PRKAR2B: variants seen among roughly 807,000 people sequenced by gnomAD.
PRKAR2B encodes protein kinase cAMP-dependent type II regulatory subunit beta.
In PRKAR2B, 14 loss-of-function variants were observed where a neutral mutation model predicts 49.9. The ratio of observed to expected loss-of-function variants is 0.28; its 90% CI spans 0.19 to 0.44. The LOEUF is 0.44. PRKAR2B is among the 20% of genes least tolerant of loss of function. PRKAR2B has a pLI of 1.00. For missense variants in PRKAR2B, 393 were observed against 537.9 expected (o/e 0.73, Z 2.67); for synonymous variants, 196 against 197.7 (o/e 0.99, Z 0.07).
At position 107,054,070 on chromosome 7, in the gene PRKAR2B, C is replaced by T. The variant is rs1200010351; in HGVS notation, c.307+8856C>T. Reference sequence around the variant, plus strand: ...AAGTAGTAAATAAAACACAGTAGGCCGTGTGTGGTGGCTCACAGCCTGTAA... The same window carrying T: ...AAGTAGTAAATAAAACACAGTAGGCTGTGTGTGGTGGCTCACAGCCTGTAA... On this transcript the variant is annotated intron_variant, in intron 1 of 10. Coordinates refer to ENST00000265717, the MANE Select transcript of PRKAR2B (RefSeq NM_002736.3). Among the ~76,000 whole-genome samples the T allele has an allele frequency of 4.6e-5, 7 of 152,048 alleles. No individual in the cohort carries two copies. In the East Asian group the frequency reaches 1.3e-3, roughly 29 times the overall value.
chr7:107,131,370 G>T (rs559137594), intron 4 of PRKAR2B, among the ~76,000 whole-genome samples: 15 of 152,030 alleles, frequency 9.9e-5, no homozygotes, highest in African/African-American at 3.6e-4. Flanking sequence ...GAAAATTTTG[G>T]TTGCATTTTA....
At chr7:107,136,174 C>T (rs1795698760) in intron 4 of PRKAR2B, among the ~76,000 whole-genome samples, 1 of 152,064 alleles carries the variant, frequency 6.6e-6, no homozygotes, top group East Asian at 1.9e-4. Flanking sequence ...CAAAAATTAA[C>T]TCAAAATAGA....
chr7:107,047,618 A>G (rs75962223), intron 1 of PRKAR2B, among the ~76,000 whole-genome samples: 2,419 of 152,262 alleles, frequency 0.016, 39 homozygotes, highest in Middle Eastern at 0.088. Flanking sequence ...TTTGACATCT[A>G]TGTCCAGAAA....
chr7:107,143,873 T>A (rs1795835763), intron 5 of PRKAR2B, among the ~76,000 whole-genome samples: 1 of 152,176 alleles, frequency 6.6e-6, no homozygotes, highest in Non-Finnish European at 1.5e-5. Context: ...CCTCATTCTA[T>A]ATATGCAAAT....
chr7:107,121,207 C>A (rs1014806928), intron 2 of PRKAR2B, among the ~76,000 whole-genome samples: 1 of 151,822 alleles, frequency 6.6e-6, no homozygotes, highest in African/African-American at 2.4e-5. Context: ...TACAATTTAG[C>A]CCCTGCAAAT....
At chr7:107,085,967 TTG>T (rs1359404737) in intron 2 of PRKAR2B, among the ~76,000 whole-genome samples, 1 of 152,218 alleles carries the variant, frequency 6.6e-6, no homozygotes, top group African/African-American at 2.4e-5. Flanking sequence ...TGTATAGGCA[TTG>T]TCAAATTGCC....
At chr7:107,143,799 G>A (rs940744155) in intron 5 of PRKAR2B, among the ~76,000 whole-genome samples, 3 of 152,126 alleles carry the variant, frequency 2.0e-5, no homozygotes, top group African/African-American at 4.8e-5. Context: ...GAGGCTGTGT[G>A]TATAAGGTAT....
intron 2 of PRKAR2B, among the ~76,000 whole-genome samples, chr7:107,092,530 C>G (rs750128554): frequency 2.6e-5 from 4 of 151,940 alleles, no homozygotes; most frequent in Non-Finnish European, 5.9e-5. Context: ...GCCCATTGTG[C>G]TGCTATTGCC....
intron 2 of PRKAR2B, among the ~76,000 whole-genome samples, chr7:107,086,335 C>T (rs943576723): frequency 1.3e-5 from 2 of 152,000 alleles, no homozygotes; most frequent in African/African-American, 4.8e-5. Context: ...TAAGACTGCC[C>T]AGCTCATAAG....
chr7:107,128,272 C>A lies in PRKAR2B; in HGVS notation c.457C>A (p.Leu153Met), dbSNP rs1239120460. The change falls in exon 4 of 11, where the codon CTG becomes ATG. Residue 153 changes from leucine (L) to methionine (M), a missense_variant. Around this residue, in one of 2 missense-constraint regions of PRKAR2B, gnomAD observed 233 missense variants for 390.4 expected, o/e 0.60. Transcript: ENST00000265717. ...GTTGCAAGAGGCTTGCAAAGACATC[C>A]TGCTGTTTAAGAATCTGGATCCGGT... is the stretch of plus-strand genomic sequence containing the variant. ...NRLQEACKDI[L>M]LFKNLDPEQM... 3 of 1,611,586 alleles carry A rather than the reference C, an allele frequency of 1.9e-6. No homozygotes were observed. The highest frequency in any genetic ancestry group is 2.5e-6 in the Non-Finnish European group (3 of 1,177,720).
intron 1 of PRKAR2B, among the ~76,000 whole-genome samples, chr7:107,066,300 G>GT (rs1794142272): frequency 8.4e-6 from 1 of 119,402 alleles, no homozygotes; most frequent in Non-Finnish European, 1.7e-5. Flanking sequence ...TCTCTATGTG[G>GT]GGTGTGTGTG....
intron 2 of PRKAR2B, among the ~76,000 whole-genome samples, chr7:107,082,466 A>G (rs901941674): frequency 2.0e-5 from 3 of 152,218 alleles, no homozygotes; most frequent in African/African-American, 7.2e-5. Flanking sequence ...TCTTCTTAGA[A>G]TAATGAAAAA....
intron 4 of PRKAR2B, among the ~76,000 whole-genome samples, chr7:107,133,973 T>G (rs902035684): frequency 2.0e-5 from 3 of 152,150 alleles, no homozygotes; most frequent in African/African-American, 7.2e-5. Flanking sequence ...TACAAATATA[T>G]TCTTTTTCAA....
chr7:107,142,326 C>T (rs552091221), intron 5 of PRKAR2B, among the ~76,000 whole-genome samples: 70 of 152,272 alleles, frequency 4.6e-4, no homozygotes, highest in Admixed American at 1.2e-3. Flanking sequence ...GGCTGAAGCA[C>T]TAGCCAGGAT....
intron 2 of PRKAR2B, among the ~76,000 whole-genome samples, chr7:107,071,176 T>G (rs1794267176): frequency 6.6e-6 from 1 of 152,234 alleles, no homozygotes; most frequent in African/African-American, 2.4e-5. Flanking sequence ...ACCTGGAAAT[T>G]TTTTGTTAAA....
At chr7:107,135,264 G>A (rs529137984) in intron 4 of PRKAR2B, among the ~76,000 whole-genome samples, 66 of 152,110 alleles carry the variant, frequency 4.3e-4, no homozygotes, top group African/African-American at 1.6e-3. Context: ...CATCCCCACC[G>A]GGGTAGTTAC....
At chr7:107,100,126 A>T (rs1428180134) in intron 2 of PRKAR2B, among the ~76,000 whole-genome samples, 3 of 151,810 alleles carry the variant, frequency 2.0e-5, no homozygotes, top group Non-Finnish European at 4.4e-5. Context: ...TTGAGTTACT[A>T]TCTAGTATCA....
At chr7:107,158,555 T>G (rs956465739) in intron 10 of PRKAR2B, among the ~76,000 whole-genome samples, 8 of 152,326 alleles carry the variant, frequency 5.3e-5, no homozygotes, top group Non-Finnish European at 1.0e-4. Context: ...AAATTAATCA[T>G]TCCTTAGTGG....
Position 107,159,744 on chromosome 7 carries a change from A to G in PRKAR2B, c.*162A>G, listed in dbSNP as rs1562875379. 3 of 622,290 alleles carry G rather than the reference A, an allele frequency of 4.8e-6. No individual in the cohort carries two copies. The highest frequency in any genetic ancestry group is 2.9e-5 in the East Asian group (1 of 34,354). 38.5% of individuals were successfully genotyped at this position (622,290 alleles called of 1,614,324 possible). ...ATAAACAGTAGTGATTTAATAGTCA[A>G]TAGGCTTTAACATCACTTTCTAAAG... On this transcript the variant is annotated 3_prime_UTR_variant, in exon 11 of 11. Coordinates refer to ENST00000265717, the MANE Select transcript of PRKAR2B (RefSeq NM_002736.3).
Sources: gnomAD v4.1 joint callset for allele counts (sites outside exome capture counted in the v4.1 genomes callset) on GRCh38, gnomAD v4.1.1 for gene constraint, gnomAD v4.1.1 regional missense constraint, MANE v1.5 for transcripts, NCBI Gene and HGNC (gene_info 2026-07-23, HGNC 2026-07-21) for gene names.